CACNA1H: variants seen among roughly 807,000 people sequenced by gnomAD.
CACNA1H encodes the protein voltage-dependent T-type calcium channel subunit alpha-1H.
A neutral mutation model predicts 192.5 loss-of-function variants in CACNA1H; 149 were observed. The observed-to-expected ratio is 0.77, with a 90% CI of 0.68 to 0.89. CACNA1H has a LOEUF of 0.89. Ranked by LOEUF, CACNA1H falls within the 40% of genes least tolerant of loss-of-function variation. The pLI is 0.00. For missense variants in CACNA1H, 4,257 were observed against 3,423.5 expected (o/e 1.24, Z -6.08); for synonymous variants, 2,202 against 1,475.2 (o/e 1.49, Z -11.29).
intron 26 of CACNA1H, among the ~76,000 whole-genome samples, chr16:1,212,759 G>A (rs1208180777): frequency 6.6e-6 from 1 of 152,218 alleles, no homozygotes; most frequent in African/African-American, 2.4e-5. Context: ...TCCGCCGTGC[G>A]CCGGGACACC....
chr16:1,208,300 T>C, intron 16 of CACNA1H, 79 bp downstream of exon 16: 1 of 1,001,992 alleles, frequency 1.0e-6, no homozygotes. Flanking sequence ...TCCCTGAAGA[T>C]GAGTGAGGGC....
intron 2 of CACNA1H, among the ~76,000 whole-genome samples, chr16:1,155,035 G>A (rs1053279595): frequency 2.0e-5 from 3 of 152,206 alleles, no homozygotes; most frequent in African/African-American, 7.2e-5. Context: ...CGTCGGAGGT[G>A]GGGAGACAGG....
At chr16:1,215,418 G>A (rs767536860) in intron 29 of CACNA1H, 43 bp downstream of exon 29, 10 of 1,592,268 alleles carry the variant, frequency 6.3e-6, no homozygotes, top group South Asian at 1.1e-5. Context: ...GCGGGTGGAG[G>A]GTGGGGGCTC....
Position 1,218,580 on chromosome 16 carries a change from C to T in CACNA1H, c.5816C>T (p.Pro1939Leu), listed in dbSNP as rs769441475. ...NDSYMFRPVV[P>L]ASAPHPRPLQ... ...AGCTACATGTTCAGGCCCGTGGTGC[C>T]TGCCTCGGCGCCCCACCCCCGCCCG... Residue 1939 changes from proline (P) to leucine (L), a missense_variant, in exon 33 of 35, where the codon CCT becomes CTT. Transcript: ENST00000348261. The T allele has an allele frequency of 1.1e-5, 17 of 1,565,414 alleles. No individual in the cohort carries two copies. The Admixed American group carries it at 3.2e-4, about 30-fold the overall frequency.
intron 9 of CACNA1H, 128 bp from the exon 10 acceptor site, chr16:1,203,882 G>A (rs1195477471): frequency 4.6e-6 from 3 of 654,754 alleles, no homozygotes; most frequent in Non-Finnish European, 7.7e-6. Context: ...AGGTTCTGGA[G>A]GTTGGACTCT....
rs766161313 is a variant in CACNA1H, at chr16:1,202,394, G to A, written c.1944G>A (p.Pro648=). ...GGPPGTGGHG[P]LSLNSPDPYE... is the part of the protein sequence containing the mutation. Reference sequence around the variant, plus strand: ...CGCCAGGCACCGGGGGGCACGGCCCGTTGAGCTTGAACAGCCCTGATCCCT... The same window carrying A: ...CGCCAGGCACCGGGGGGCACGGCCCATTGAGCTTGAACAGCCCTGATCCCT... Residue 648 remains proline, a synonymous_variant, in exon 9 of 35, where the codon CCG becomes CCA. Coordinates refer to ENST00000348261, the MANE Select transcript of CACNA1H (RefSeq NM_021098.3). The A allele has an allele frequency of 1.1e-4, 168 of 1,544,798 alleles. No homozygotes were observed. Among genetic ancestry groups the A allele is most frequent in the Middle Eastern group, 1.7e-4 (1 of 5,978 alleles).
chr16:1,215,644 G>A, intron 30 of CACNA1H, 51 bp downstream of exon 30: 4 of 1,494,820 alleles, frequency 2.7e-6, no homozygotes, highest in South Asian at 2.4e-5. Flanking sequence ...AGACGGGGTT[G>A]CAGGGAGCGC....
chr16:1,177,187 G>C (rs1199812936), intron 2 of CACNA1H, among the ~76,000 whole-genome samples: 3 of 152,214 alleles, frequency 2.0e-5, no homozygotes, highest in Non-Finnish European at 2.9e-5. Flanking sequence ...CGGACCCTTG[G>C]ATTTCTAAGT....
In CACNA1H at chr16:1,193,864, A is replaced by C. The variant is rs143775818; in HGVS notation, c.300-1108A>C. On this transcript the variant is annotated intron_variant, in intron 2 of 34. Transcript: ENST00000348261. Reference sequence around the variant, plus strand: ...CTGGAGTGACAGGTGGGGGCAGGGAAGGCCCTCGTCACCAAGCCTGTTCCC... The same window carrying C: ...CTGGAGTGACAGGTGGGGGCAGGGACGGCCCTCGTCACCAAGCCTGTTCCC... Among the ~76,000 whole-genome samples, 167 of 152,052 alleles carry C rather than the reference A, an allele frequency of 1.1e-3. 3 individuals are homozygous for C. The South Asian group carries it at 0.032, about 29-fold the overall frequency.
In CACNA1H at chr16:1,220,079, G is replaced by C; in HGVS notation, c.6147G>C (p.Val2049=). The C allele has an allele frequency of 6.9e-7, 1 of 1,448,316 alleles. No homozygotes were observed. 89.7% of individuals were successfully genotyped at this position (1,448,316 alleles called of 1,614,324 possible). Residue 2049 remains valine, a synonymous_variant, in exon 35 of 35, where the codon GTG becomes GTC. Coordinates refer to ENST00000348261, the MANE Select transcript of CACNA1H (RefSeq NM_021098.3). The stretch of plus-strand genomic sequence containing the variant: ...GTGAGAAAACCCCGGTGAGGCCGGT[G>C]ACCCAGGGGGGCTCCCTGCAGTCCC... ...EPGEKTPVRP[V]TQGGSLQSPP... is the part of the protein sequence containing the mutation.
chr16:1,187,381 G>A (rs1241914185), intron 2 of CACNA1H, among the ~76,000 whole-genome samples: 2 of 152,210 alleles, frequency 1.3e-5, no homozygotes, highest in South Asian at 4.1e-4. Context: ...GCTGCAGTCT[G>A]TGCCCTGCAA....
chr16:1,158,250 G>C (rs1471450620), intron 2 of CACNA1H, among the ~76,000 whole-genome samples: 1 of 152,182 alleles, frequency 6.6e-6, no homozygotes, highest in Admixed American at 6.5e-5. Context: ...ATGGGGCTGA[G>C]ACTGGGAGCG....
chr16:1,173,232 C>T (rs935258541), intron 2 of CACNA1H, among the ~76,000 whole-genome samples: 11 of 152,080 alleles, frequency 7.2e-5, no homozygotes, highest in Non-Finnish European at 1.5e-5. Flanking sequence ...GGTGGCCAGG[C>T]AGGGAGGAAA....
In CACNA1H at chr16:1,221,645, G is replaced by A; in HGVS notation, c.*651G>A. On this transcript the variant is annotated 3_prime_UTR_variant, in exon 35 of 35. Transcript: ENST00000348261. ...GGGCGTTGGCCGCGAGATTCCCATT[G>A]ACACCTTTGTTTCGTGTGCTTTTAA... 1.1e-5 allele frequency: 10 copies of A among 929,958 alleles called. 1 individual carries two copies. The South Asian group carries it at 1.6e-4, about 15-fold the overall frequency. The allele number at this position is 929,958 out of a possible 1,614,324, so 57.6% of individuals were successfully genotyped here.
rs781188604 is a variant in CACNA1H, at chr16:1,202,421, C to T, written c.1971C>T (p.Tyr657=). Residue 657 remains tyrosine (Y), a synonymous_variant, in exon 9 of 35, where the codon TAC becomes TAT. Transcript: ENST00000348261. ...GPLSLNSPDP[Y]EKIPHVVGEH... ...TGAGCTTGAACAGCCCTGATCCCTA[C>T]GAGAAGATCCCGCATGTGGTCGGGG... 2.7e-5 allele frequency: 41 copies of T among 1,514,834 alleles called. No homozygotes were observed. The highest frequency in any genetic ancestry group is 9.9e-5 in the East Asian group (4 of 40,442). 93.8% of individuals were successfully genotyped at this position (1,514,834 alleles called of 1,614,324 possible). A position where few individuals can be genotyped will look rare whatever the true frequency, so the allele number is the denominator to read the frequency against.
chr16:1,194,859 C>A (rs982995792), intron 2 of CACNA1H, 113 bp from the exon 3 acceptor site: 135 of 769,672 alleles, frequency 1.8e-4, no homozygotes, highest in Non-Finnish European at 2.7e-4. Context: ...TCCTGGACAC[C>A]CCCACGCGCG....
chr16:1,220,738 A>G lies in CACNA1H; in HGVS notation c.6806A>G (p.Glu2269Gly), dbSNP rs753677554. The change falls in exon 35 of 35, where the codon GAG (glutamate) becomes GGG (glycine). Residue 2269 changes from glutamate to glycine, a missense_variant. By Grantham distance (98) the Glu-to-Gly change is moderately conservative (BLOSUM62 -2). Transcript: ENST00000348261. ...CTGACCGTCCCCAGCTTTGCCTTTG[A>G]GCCGCTGGACCTCGGGGTCCCCAGT... The part of the protein sequence containing the change: ...EHLTVPSFAF[E>G]PLDLGVPSGD... 6.2e-7 allele frequency: 1 copy of G among 1,612,108 alleles called. No individual in the cohort carries two copies. The highest frequency in any genetic ancestry group is 8.5e-7 in the Non-Finnish European group (1 of 1,179,640).
intron 3 of CACNA1H, 63 bp downstream of exon 3, chr16:1,195,146 C>G (rs545730227): frequency 1.6e-4 from 22 of 141,208 alleles, no homozygotes; most frequent in Non-Finnish European, 2.6e-4. Context: ...TGGTTCAAGG[C>G]GGAGTGGGGC....
intron 2 of CACNA1H, among the ~76,000 whole-genome samples, chr16:1,178,654 C>G (rs977438511): frequency 6.6e-5 from 10 of 152,178 alleles, no homozygotes; most frequent in African/African-American, 2.4e-4. Context: ...TCCAGCAGAC[C>G]AGCATCCAGC....
Sources: gnomAD v4.1 joint callset for allele counts (sites outside exome capture counted in the v4.1 genomes callset) on GRCh38, gnomAD v4.1.1 for gene constraint, MANE v1.5 for transcripts, NCBI Gene and HGNC (gene_info 2026-07-23, HGNC 2026-07-21) for gene names.